Variants in ABI3BP observed in about 807,000 individuals in gnomAD.
ABI3BP encodes the protein ABI family member 3 binding protein, also known as target of Nesh-SH3.
A neutral mutation model predicts 268.6 loss-of-function variants in ABI3BP; 216 were observed. The observed-to-expected ratio is 0.80, with a 90% CI of 0.72 to 0.90. The LOEUF (loss-of-function observed/expected upper bound fraction) is 0.90. ABI3BP is among the 40% of genes least tolerant of loss of function. The pLI is 0.00. For synonymous variants in ABI3BP, 730 were observed against 730.0 expected, an observed-to-expected ratio of 1.00 and a Z score of 0.00; for missense variants, 2,090 against 2,182.4, an observed-to-expected ratio of 0.96 and a Z score of 0.84.
chr3:100,821,926 T>C (rs552967600), intron 38 of ABI3BP, among the ~76,000 whole-genome samples: 1 of 152,210 alleles, frequency 6.6e-6, no homozygotes, highest in Non-Finnish European at 1.5e-5. Flanking sequence ...ATATCAGTTG[T>C]CCAGTTAGAC....
chr3:100,894,066 G>A (rs1195846058), intron 4 of ABI3BP, among the ~76,000 whole-genome samples: 1 of 152,180 alleles, frequency 6.6e-6, no homozygotes, highest in African/African-American at 2.4e-5. Flanking sequence ...CCAGAATCCA[G>A]GGTAAGGTGA....
chr3:100,959,128 G>C (rs1253905567), intron 1 of ABI3BP, among the ~76,000 whole-genome samples: 1 of 152,134 alleles, frequency 6.6e-6, no homozygotes, highest in East Asian at 1.9e-4. Context: ...TTCTAGGCCA[G>C]ACCATTAGAG....
At chr3:100,989,153 A>G (rs2092486141) in intron 1 of ABI3BP, among the ~76,000 whole-genome samples, 1 of 152,124 alleles carries the variant, frequency 6.6e-6, no homozygotes, top group African/African-American at 2.4e-5. Flanking sequence ...TCTGCCTTCC[A>G]CCATGTGAGG....
intron 1 of ABI3BP, among the ~76,000 whole-genome samples, chr3:100,928,985 C>T (rs2062762479): frequency 6.6e-6 from 1 of 152,026 alleles, no homozygotes; most frequent in Admixed American, 6.6e-5. Flanking sequence ...TCAATTTTTT[C>T]CCTTTTTAAT....
Position 100,770,736 on chromosome 3 carries a change from A to G in ABI3BP, c.4741+7T>C, listed in dbSNP as rs758330850. 60 of 1,478,852 alleles carry G rather than the reference A, an allele frequency of 4.1e-5. No individual in the cohort carries two copies. Among genetic ancestry groups the G allele is most frequent in the Non-Finnish European group, 5.1e-5 (57 of 1,111,294 alleles). 91.6% of individuals were successfully genotyped at this position (1,478,852 alleles called of 1,614,324 possible). A position where few individuals can be genotyped will look rare whatever the true frequency, so the allele number is the denominator to read the frequency against. ...CCACCATAACAGTCCTCATGCCATG[A>G]TCTTACCAGTGACAGTGTCATTTAG... On this transcript the variant is annotated splice_region_variant and intron_variant, in intron 62 of 67. Transcript: ENST00000471714.
In ABI3BP at chr3:100,789,461, G is replaced by T; in HGVS notation, c.4080C>A (p.Ile1360=). 1 of 1,600,810 alleles carries T rather than the reference G, an allele frequency of 6.2e-7. No individual in the cohort carries two copies. The highest frequency in any genetic ancestry group is 8.5e-7 in the Non-Finnish European group (1 of 1,173,178). ...VRPRTSDKPH[I]RPVLNRTTTR... is the part of the protein sequence containing the mutation. ...ATCAGAGAAACAACTTACCAGGTCTGATGTGTGGCTTGTCAGATGTTCTGG... is the reference window on the plus strand; with the variant it reads ...ATCAGAGAAACAACTTACCAGGTCTTATGTGTGGCTTGTCAGATGTTCTGG... Residue 1360 remains isoleucine (I), a synonymous_variant, in exon 56 of 68, where the codon ATC becomes ATA. Coordinates refer to ENST00000471714, the MANE Select transcript of ABI3BP (RefSeq NM_001375547.2).
chr3:100,816,031 C>T, intron 43 of ABI3BP, 60 bp from the exon 44 acceptor site: 1 of 1,240,094 alleles, frequency 8.1e-7, no homozygotes. Flanking sequence ...AAAAAATCCT[C>T]AATTTTTATT....
chr3:100,919,050 C>T (rs2059497796), intron 2 of ABI3BP, among the ~76,000 whole-genome samples: 2 of 152,232 alleles, frequency 1.3e-5, no homozygotes, highest in Admixed American at 1.3e-4. Flanking sequence ...GTCTTGCTCC[C>T]TGCCTTTGAA....
At chr3:100,835,524 C>T in intron 28 of ABI3BP, 77 bp downstream of exon 28, 6 of 1,141,334 alleles carry the variant, frequency 5.3e-6, no homozygotes, top group Non-Finnish European at 7.3e-6. Context: ...AGAAAAAACC[C>T]TTAGCCCAAA....
intron 27 of ABI3BP, among the ~76,000 whole-genome samples, chr3:100,836,171 T>C (rs1579726676): frequency 4.6e-5 from 7 of 152,284 alleles, no homozygotes; most frequent in Admixed American, 4.6e-4. Flanking sequence ...TCCTTATTCA[T>C]TTATTTCAAA....
chr3:100,867,754 C>T (rs1227120985), intron 9 of ABI3BP, among the ~76,000 whole-genome samples: 1 of 151,178 alleles, frequency 6.6e-6, no homozygotes, highest in Non-Finnish European at 1.5e-5. Flanking sequence ...GGAAACTAAG[C>T]TATTTGAAAA....
intron 14 of ABI3BP, among the ~76,000 whole-genome samples, chr3:100,859,857 T>C (rs897781303): frequency 6.6e-6 from 1 of 152,144 alleles, no homozygotes; most frequent in Non-Finnish European, 1.5e-5. Context: ...ACTGGTACCA[T>C]GTAAAAACAC....
rs751610395 is a variant in ABI3BP at position 100,775,287 on chromosome 3, G to C, written c.4382C>G (p.Pro1461Arg). ...CTCCAAGGGAGTTCCAGTAGGCCTGGGTGTTGACCTCAGGGGTGGTGTAGT... is the reference window on the plus strand; with the variant it reads ...CTCCAAGGGAGTTCCAGTAGGCCTGCGTGTTGACCTCAGGGGTGGTGTAGT... Reference protein sequence around the residue: ...PITTPPLRSTPRPTGTPLERI... With the variant: ...PITTPPLRSTRRPTGTPLERI... The change falls in exon 60 of 68, where the codon CCC becomes CGC. Residue 1461 changes from proline to arginine, a missense_variant. Pro to Arg is a moderately radical substitution (Grantham distance 103). Coordinates refer to ENST00000471714, the MANE Select transcript of ABI3BP (RefSeq NM_001375547.2). 4 of 1,609,608 alleles carry C rather than the reference G, an allele frequency of 2.5e-6. No individual in the cohort carries two copies.
chr3:100,975,250 A>G (rs995193096), intron 1 of ABI3BP, among the ~76,000 whole-genome samples: 1 of 152,192 alleles, frequency 6.6e-6, no homozygotes, highest in African/African-American at 2.4e-5. Flanking sequence ...AATCATTAGA[A>G]GATGCTTCCT....
At chr3:100,832,458 G>A in intron 30 of ABI3BP, 108 bp from the exon 31 acceptor site, 4 of 1,062,994 alleles carry the variant, frequency 3.8e-6, no homozygotes, top group Non-Finnish European at 5.2e-6. Flanking sequence ...TGAGTTGACA[G>A]AACTTTGTCA....
intron 2 of ABI3BP, among the ~76,000 whole-genome samples, chr3:100,907,873 T>C (rs2054196255): frequency 6.6e-6 from 1 of 152,046 alleles, no homozygotes; most frequent in African/African-American, 2.4e-5. Context: ...CCCAGCACTT[T>C]GGGAGGCCTA....
chr3:100,897,349 T>A (rs2048191738), intron 4 of ABI3BP, among the ~76,000 whole-genome samples: 1 of 152,256 alleles, frequency 6.6e-6, no homozygotes, highest in African/African-American at 2.4e-5. Flanking sequence ...GAAATTAAAA[T>A]GTCCACCAAA....
In ABI3BP at chr3:100,938,655, T is replaced by C. The variant is rs546154604; in HGVS notation, c.80-12174A>G. Among the ~76,000 whole-genome samples, 3 of 152,256 alleles carry C rather than the reference T, an allele frequency of 2.0e-5. No homozygotes were observed. In the East Asian group the frequency reaches 5.8e-4, roughly 29 times the overall value. On this transcript the variant is annotated intron_variant, in intron 1 of 67. Transcript: ENST00000471714. ...TCAGTGATGCTAGTGGAAATTTTCA[T>C]AACAAAAAACCATGGCAGCTTCAGC...
At chr3:100,782,921 G>A (rs1398172500) in intron 57 of ABI3BP, among the ~76,000 whole-genome samples, 1 of 152,212 alleles carries the variant, frequency 6.6e-6, no homozygotes, top group East Asian at 1.9e-4. Context: ...AAAGGGCAGA[G>A]TCAGCTCTGT....
Sources: gnomAD v4.1 joint callset for allele counts (sites outside exome capture counted in the v4.1 genomes callset) on GRCh38, gnomAD v4.1.1 for gene constraint, MANE v1.5 for transcripts, NCBI Gene and HGNC (gene_info 2026-07-23, HGNC 2026-07-21) for gene names.